Variants in NHSL2 observed in about 807,000 individuals in gnomAD.
NHSL2 encodes the protein NHS like 2, also known as NHS-like protein 2.
In NHSL2, 27 loss-of-function variants were observed where a neutral mutation model predicts 53.4. That is an observed-to-expected ratio of 0.51 (90% CI 0.37 to 0.70). NHSL2 has a LOEUF of 0.70. Among genes scored for constraint, NHSL2 ranks in the 30% least tolerant of loss-of-function variants. The pLI, the probability that NHSL2 is intolerant of heterozygous loss-of-function variation, is 0.00. For missense variants in NHSL2, 892 were observed against 980.1 expected, an observed-to-expected ratio of 0.91 and a Z score of 1.20; for synonymous variants, 408 against 404.1, an observed-to-expected ratio of 1.01 and a Z score of -0.12.
chrX:72,101,545 G>C (rs947470485), intron 1 of NHSL2, among the ~76,000 whole-genome samples: 20 of 110,644 alleles, frequency 1.8e-4, no homozygotes, highest in African/African-American at 5.6e-4. Flanking sequence ...CACTGCCTAA[G>C]TTCTAAACGA....
intron 1 of NHSL2, chrX:72,079,874 C>G (rs1439161604): frequency 1.8e-5 from 2 of 112,887 alleles, no homozygotes; most frequent in Non-Finnish European, 3.8e-5. Flanking sequence ...GAAAGACAAG[C>G]CCAACTCACA....
chrX:72,080,855 T>C (rs1251786807), intron 1 of NHSL2, among the ~76,000 whole-genome samples: 1 of 111,395 alleles, frequency 9.0e-6, no homozygotes, highest in Admixed American at 9.5e-5. Flanking sequence ...ACCAAGAGCT[T>C]TCTAATTGCA....
At chrX:72,069,536 CAT>C in intron 1 of NHSL2, 1 of 355,783 alleles carries the variant, frequency 2.8e-6, no homozygotes. Context: ...TTGGAAGAGC[CAT>C]GTGTGTGAGA....
intron 1 of NHSL2, among the ~76,000 whole-genome samples, chrX:72,085,730 G>GT (rs2041835455): frequency 1.3e-5 from 1 of 77,022 alleles, no homozygotes; most frequent in African/African-American, 4.4e-5. Context: ...TTTTTTTTGT[G>GT]GGGGGGTATA....
chrX:71,958,860 C>T (rs2041855030), intron 1 of NHSL2, among the ~76,000 whole-genome samples: 1 of 111,671 alleles, frequency 9.0e-6, no homozygotes, highest in Non-Finnish European at 1.9e-5. Flanking sequence ...TTTCACTTTA[C>T]AGATGAGGAA....
chrX:72,045,439 G>A (rs1300896123), intron 1 of NHSL2, among the ~76,000 whole-genome samples: 2 of 108,311 alleles, frequency 1.8e-5, no homozygotes, highest in African/African-American at 3.3e-5. Context: ...ATGTTGGCCC[G>A]ACACACAGTG....
chrX:71,918,752 G>A (rs1391198015), intron 1 of NHSL2, among the ~76,000 whole-genome samples: 2 of 111,806 alleles, frequency 1.8e-5, no homozygotes, highest in East Asian at 2.8e-4. Context: ...ATTGTGGGGG[G>A]AAAAATGTGC....
intron 1 of NHSL2, among the ~76,000 whole-genome samples, chrX:72,015,979 T>A (rs1194268397): frequency 1.8e-5 from 2 of 112,542 alleles, no homozygotes; most frequent in African/African-American, 6.5e-5. Context: ...AAAATTATTC[T>A]TTTGTGTAGA....
At chrX:71,932,687 TAAAG>T (rs1487264601) in intron 1 of NHSL2, among the ~76,000 whole-genome samples, 1 of 112,004 alleles carries the variant, frequency 8.9e-6, no homozygotes, top group Non-Finnish European at 1.9e-5. Context: ...TTCACCAAAA[TAAAG>T]AGTACATGAG....
intron 1 of NHSL2, among the ~76,000 whole-genome samples, chrX:71,930,054 C>A (rs930449742): frequency 8.9e-6 from 1 of 112,340 alleles, no homozygotes; most frequent in Non-Finnish European, 1.9e-5. Context: ...CACGCCCAGA[C>A]TCTGGCTGTC....
chrX:71,944,435 A>AG (rs1569465105), intron 1 of NHSL2, among the ~76,000 whole-genome samples: 3 of 112,142 alleles, frequency 2.7e-5, no homozygotes, highest in Non-Finnish European at 3.8e-5. Context: ...GTCTAAGGCC[A>AG]GGAGGTTTCC....
intron 1 of NHSL2, among the ~76,000 whole-genome samples, chrX:71,990,510 G>A (rs757674951): frequency 2.7e-5 from 3 of 110,057 alleles, no homozygotes; most frequent in Non-Finnish European, 5.7e-5. Flanking sequence ...TCCTTCACCC[G>A]TGGGCCACCC....
chrX:72,134,516 A>C lies in NHSL2; in HGVS notation c.572A>C (p.Lys191Thr). 1 of 1,165,345 alleles carries C rather than the reference A, an allele frequency of 8.6e-7. No individual in the cohort carries two copies. Among genetic ancestry groups the C allele is most frequent in the Non-Finnish European group, 1.1e-6 (1 of 870,771 alleles). ...RRLEFILMPT[K>T]RQLSEDETTT... ...CACCTTCTCTCCCAACAGCCTACAA[A>C]ACGGCAGCTGAGCGAGGATGAGACT... The change falls in exon 4 of 8, where the codon AAA becomes ACA. Residue 191 changes from lysine (K) to threonine (T), a missense_variant. Coordinates refer to ENST00000633930, the MANE Select transcript of NHSL2 (RefSeq NM_001013627.3).
chrX:71,914,452 G>A (rs1214991666), intron 1 of NHSL2, among the ~76,000 whole-genome samples: 1 of 112,289 alleles, frequency 8.9e-6, no homozygotes, highest in Non-Finnish European at 1.9e-5. Context: ...AGTCACTGAA[G>A]GGCTAGATAA....
chrX:72,015,540 A>T (rs1046930517), intron 1 of NHSL2, among the ~76,000 whole-genome samples: 3 of 112,246 alleles, frequency 2.7e-5, no homozygotes, highest in Non-Finnish European at 5.6e-5. Flanking sequence ...GCTGGGTAAT[A>T]GGGGATGCAC....
chrX:72,112,362 A>G (rs750828377), intron 1 of NHSL2, among the ~76,000 whole-genome samples: 1 of 112,062 alleles, frequency 8.9e-6, no homozygotes, highest in Non-Finnish European at 1.9e-5. Flanking sequence ...CTCACATACC[A>G]TGCAATTCAC....
At chrX:72,067,538 G>T (rs1347021554) in intron 1 of NHSL2, among the ~76,000 whole-genome samples, 1 of 112,164 alleles carries the variant, frequency 8.9e-6, no homozygotes, top group Non-Finnish European at 1.9e-5. Flanking sequence ...ATCACAAATG[G>T]ATAAGAGGTC....
intron 1 of NHSL2, among the ~76,000 whole-genome samples, chrX:72,058,136 A>G (rs957821235): frequency 3.6e-5 from 4 of 111,938 alleles, no homozygotes; most frequent in South Asian, 3.7e-4. Context: ...TGAAAGAACA[A>G]TTGACAGGTA....
intron 1 of NHSL2, among the ~76,000 whole-genome samples, chrX:72,077,943 G>A (rs1274676142): frequency 2.7e-5 from 3 of 112,852 alleles, no homozygotes; most frequent in African/African-American, 9.7e-5. Context: ...GCTCCAGCAG[G>A]GCTTCTGTGG....
Sources: gnomAD v4.1 joint callset for allele counts (sites outside exome capture counted in the v4.1 genomes callset) on GRCh38, gnomAD v4.1.1 for gene constraint, MANE v1.5 for transcripts, NCBI Gene and HGNC (gene_info 2026-07-23, HGNC 2026-07-21) for gene names.